JPH3: variants seen among roughly 807,000 people sequenced by gnomAD.
JPH3 encodes the protein junctophilin-3.
A neutral mutation model predicts 59.6 loss-of-function variants in JPH3; 11 were observed. That is an observed-to-expected ratio of 0.18 (90% CI 0.12 to 0.31). The LOEUF is 0.31. Among genes scored for constraint, JPH3 ranks in the 10% least tolerant of loss-of-function variants. The probability of loss-of-function intolerance (pLI) is 1.00; values close to 1 mark genes in which losing one functional copy is unlikely to be tolerated. For missense variants in JPH3, 1,202 were observed against 1,105.7 expected (o/e 1.09, Z -1.24); for synonymous variants, 673 against 483.6 (o/e 1.39, Z -5.14).
At chr16:87,666,147 G>A (rs142501150) in intron 2 of JPH3, among the ~76,000 whole-genome samples, 336 of 151,130 alleles carry the variant, frequency 2.2e-3, no homozygotes, top group Admixed American at 7.2e-3. Flanking sequence ...GGAGTGCAGC[G>A]GCATGGTCTT....
intron 2 of JPH3, among the ~76,000 whole-genome samples, chr16:87,646,175 G>C (rs954238968): frequency 6.6e-6 from 1 of 152,224 alleles, no homozygotes; most frequent in African/African-American, 2.4e-5. Flanking sequence ...TCCCAGCCTG[G>C]GTGCGGCTCA....
chr16:87,627,970 CCAA>C (rs2031439137), intron 1 of JPH3, among the ~76,000 whole-genome samples: 1 of 152,204 alleles, frequency 6.6e-6, no homozygotes, highest in South Asian at 2.1e-4. Context: ...GTGAGCGTTC[CCAA>C]CATCAGAGCT....
At chr16:87,623,602 C>G (rs1245094284) in intron 1 of JPH3, among the ~76,000 whole-genome samples, 2 of 152,232 alleles carry the variant, frequency 1.3e-5, no homozygotes, top group Non-Finnish European at 2.9e-5. Context: ...CTATTTCCTT[C>G]TGTGAACCCC....
intron 1 of JPH3, among the ~76,000 whole-genome samples, chr16:87,637,328 C>G (rs2031783808): frequency 6.6e-6 from 1 of 152,012 alleles, no homozygotes; most frequent in African/African-American, 2.4e-5. Context: ...CTGTGAGCAG[C>G]CATTCCTGCT....
At position 87,647,051 on chromosome 16, in the gene JPH3, A is replaced by G. The variant is rs77497326; in HGVS notation, c.1160+2016A>G. Among the ~76,000 whole-genome samples the G allele has an allele frequency of 4.9e-4, 75 of 152,312 alleles. No homozygotes were observed. In the East Asian group the frequency reaches 7.2e-3, roughly 15 times the overall value. On this transcript the variant is annotated intron_variant, in intron 2 of 4. Transcript: ENST00000284262. ...AGGTTGTCAGCCTCTCTGGACCTCA[A>G]CTTCTAATCTCTGAAGGCCTGTGAA... is the stretch of plus-strand genomic sequence containing the variant.
intron 2 of JPH3, among the ~76,000 whole-genome samples, chr16:87,673,919 C>G (rs1188364192): frequency 6.6e-6 from 1 of 151,096 alleles, no homozygotes; most frequent in Non-Finnish European, 1.5e-5. Context: ...CAGCGAGACT[C>G]TGTCTCAAAA....
intron 2 of JPH3, among the ~76,000 whole-genome samples, chr16:87,648,167 A>G (rs1451192818): frequency 6.6e-6 from 1 of 152,094 alleles, no homozygotes; most frequent in Admixed American, 6.5e-5. Context: ...TGGTCATCAG[A>G]GGATGGAGGA....
chr16:87,651,858 C>T (rs898215573), intron 2 of JPH3, among the ~76,000 whole-genome samples: 10 of 152,252 alleles, frequency 6.6e-5, no homozygotes, highest in Admixed American at 4.6e-4. Context: ...AGGGGATTGA[C>T]TCCAGTTTCC....
intron 2 of JPH3, among the ~76,000 whole-genome samples, chr16:87,679,128 A>T (rs374964129): frequency 9.8e-5 from 15 of 152,324 alleles, no homozygotes; most frequent in South Asian, 6.2e-4. Context: ...CCAGCTGGCC[A>T]GGCTCAGCTG....
chr16:87,655,360 ATTTTTTGTGACAGGGTG>A (rs2032463774), intron 2 of JPH3, among the ~76,000 whole-genome samples: 1 of 83,726 alleles, frequency 1.2e-5, no homozygotes, highest in Non-Finnish European at 2.4e-5. Flanking sequence ...ACAGGGTGTT[ATTTTTTGTGACAGGGTG>A]TTGTTCTGCT....
rs1010260270 is a variant in JPH3, at chr16:87,689,838, C to A, written c.1478C>A (p.Ala493Asp). ...GCGGCCACCCCGCCGCCCGCGCCCG[C>A]CGCCAGGAACAAGGTCGCCCACTTC... ...SPAATPPPAP[A>D]ARNKVAHFSR... is the part of the protein sequence containing the mutation. Residue 493 changes from alanine to aspartate, a missense_variant, in exon 4 of 5, where the codon GCC becomes GAC. Physicochemically the swap from Ala to Asp is moderately radical, Grantham distance 126 (BLOSUM62 -2). Transcript: ENST00000284262. The A allele has an allele frequency of 4.5e-6, 7 of 1,540,852 alleles. No homozygotes were observed. The highest frequency in any genetic ancestry group is 6.1e-6 in the Non-Finnish European group (7 of 1,145,132).
At position 87,686,738 on chromosome 16, in the gene JPH3, G is replaced by A. The variant is rs566077435; in HGVS notation, c.1285+2472G>A. Among the ~76,000 whole-genome samples, 3 of 152,340 alleles carry A rather than the reference G, an allele frequency of 2.0e-5. No individual in the cohort carries two copies. The South Asian group carries it at 6.2e-4, about 32-fold the overall frequency. Reference sequence around the variant, plus strand: ...ATTCAGAGGAGATGCTTCCTGGAGGGCTCAGGTCCCTGCAGGAGGGGCCTT... The same window carrying A: ...ATTCAGAGGAGATGCTTCCTGGAGGACTCAGGTCCCTGCAGGAGGGGCCTT... On this transcript the variant is annotated intron_variant, in intron 3 of 4. Transcript: ENST00000284262.
intron 1 of JPH3, among the ~76,000 whole-genome samples, chr16:87,621,279 G>A (rs1363700742): frequency 6.6e-6 from 1 of 152,246 alleles, no homozygotes; most frequent in Non-Finnish European, 1.5e-5. Flanking sequence ...CATCTGCTCT[G>A]TGTCGGGAGG....
intron 1 of JPH3, among the ~76,000 whole-genome samples, chr16:87,625,888 C>T (rs1188068430): frequency 6.6e-6 from 1 of 152,170 alleles, no homozygotes; most frequent in East Asian, 1.9e-4. Context: ...CCCTGATGAC[C>T]TCCACCTGCC....
chr16:87,655,384 T>G (rs1041699972), intron 2 of JPH3, among the ~76,000 whole-genome samples: 20 of 151,664 alleles, frequency 1.3e-4, no homozygotes. Flanking sequence ...GGTGTTGTTC[T>G]GCTCTGTCCC....
At chr16:87,685,471 C>G (rs993128153) in intron 3 of JPH3, among the ~76,000 whole-genome samples, 21 of 152,356 alleles carry the variant, frequency 1.4e-4, no homozygotes, top group African/African-American at 5.0e-4. Flanking sequence ...CTCCCTGGGG[C>G]CCCTCCTTGC....
intron 4 of JPH3, 125 bp downstream of exon 4, chr16:87,690,651 G>A (rs2033545259): frequency 1.9e-6 from 2 of 1,078,070 alleles, no homozygotes; most frequent in Non-Finnish European, 2.4e-6. Context: ...GTGGAGTAGG[G>A]TGGGGGTACA....
chr16:87,690,529 G>A lies in JPH3; in HGVS notation c.2166+3G>A. On this transcript the variant is annotated splice_donor_region_variant and intron_variant, in intron 4 of 4. Coordinates refer to ENST00000284262, the MANE Select transcript of JPH3 (RefSeq NM_020655.4). The stretch of plus-strand genomic sequence containing the variant: ...GGGATGAGCTCAAGTCCAGTACGGT[G>A]AGTGGGCGGCCACCAGGCTGGTCCC... 1 of 1,463,984 alleles carries A rather than the reference G, an allele frequency of 6.8e-7. No individual in the cohort carries two copies. Among genetic ancestry groups the A allele is most frequent in the Non-Finnish European group, 9.0e-7 (1 of 1,108,096 alleles). The allele number at this position is 1,463,984 out of a possible 1,614,324, so 90.7% of individuals were successfully genotyped here. A position where few individuals can be genotyped will look rare whatever the true frequency, so the allele number is the denominator to read the frequency against.
At chr16:87,683,823 C>T (rs779906149) in intron 2 of JPH3, 48 of 279,044 alleles carry the variant, frequency 1.7e-4, no homozygotes, top group Non-Finnish European at 2.8e-4. Flanking sequence ...CCAGGCTGGT[C>T]GTGAACGCCT....
Sources: gnomAD v4.1 joint callset for allele counts (sites outside exome capture counted in the v4.1 genomes callset) on GRCh38, gnomAD v4.1.1 for gene constraint, MANE v1.5 for transcripts, NCBI Gene and HGNC (gene_info 2026-07-23, HGNC 2026-07-21) for gene names.